RXFP2: variants seen among roughly 807,000 people sequenced by gnomAD.
RXFP2 encodes relaxin receptor 2.
A neutral mutation model predicts 88.6 loss-of-function variants in RXFP2; 68 were observed. That is an observed-to-expected ratio of 0.77 (90% confidence interval 0.63 to 0.94). The LOEUF is 0.94. RXFP2 is among the 40% of genes least tolerant of loss of function. The probability of loss-of-function intolerance (pLI) is 0.00; values close to 1 mark genes in which losing one functional copy is unlikely to be tolerated. For missense variants in RXFP2, 791 were observed against 893.9 expected, an observed-to-expected ratio of 0.88 and a Z score of 1.47; for synonymous variants, 329 against 306.8, an observed-to-expected ratio of 1.07 and a Z score of -0.76.
chr13:31,782,838 A>C (rs1333138890), intron 11 of RXFP2, 91 bp downstream of exon 11: 2 of 808,784 alleles, frequency 2.5e-6, no homozygotes, highest in Admixed American at 3.9e-5. Context: ...CACTAGTAGC[A>C]ATCAAAATCC....
At chr13:31,786,990 T>C (rs556062277) in intron 13 of RXFP2, among the ~76,000 whole-genome samples, 37 of 152,356 alleles carry the variant, frequency 2.4e-4, no homozygotes, top group Non-Finnish European at 4.7e-4. Flanking sequence ...CTTTTCCCCT[T>C]TGCCCTTTCC....
In RXFP2 at chr13:31,803,123, A is replaced by G. The variant is rs1874434234; in HGVS notation, c.*718A>G. ...TTGGACACTTTCACTGCTAAAAAGT[A>G]CACTTTAATATTCTTAAAGTATAAT... On this transcript the variant is annotated 3_prime_UTR_variant, in exon 18 of 18. Coordinates refer to ENST00000298386, the MANE Select transcript of RXFP2 (RefSeq NM_130806.5). 1 of 152,336 alleles carries G rather than the reference A, an allele frequency of 6.6e-6. No homozygotes were observed. The highest frequency in any genetic ancestry group is 2.4e-5 in the African/African-American group (1 of 41,472). 9.4% of individuals were successfully genotyped at this position (152,336 alleles called of 1,614,324 possible). A position where few individuals can be genotyped will look rare whatever the true frequency, so the allele number is the denominator to read the frequency against.
Position 31,786,569 on chromosome 13 carries a change from C to G in RXFP2, c.1005C>G (p.Asn335Lys), listed in dbSNP as rs1029385576. ...FKDLKLLQKL[N>K]LSSNPLMYLH... ...CATCTAATGGTAAAAAAAAAAGGAACCTGTCATCCAATCCTCTTATGTATC... is the reference window on the plus strand; with the variant it reads ...CATCTAATGGTAAAAAAAAAAGGAAGCTGTCATCCAATCCTCTTATGTATC... The change falls in exon 13 of 18, where the codon AAC becomes AAG. Residue 335 changes from asparagine to lysine, a missense_variant. Coordinates refer to ENST00000298386, the MANE Select transcript of RXFP2 (RefSeq NM_130806.5). The G allele has an allele frequency of 3.2e-6, 5 of 1,552,864 alleles. No individual in the cohort carries two copies. The highest frequency in any genetic ancestry group is 1.7e-4 in the Middle Eastern group (1 of 5,834).
At chr13:31,756,220 C>A (rs1871940484) in intron 1 of RXFP2, among the ~76,000 whole-genome samples, 1 of 152,210 alleles carries the variant, frequency 6.6e-6, no homozygotes, top group Admixed American at 6.5e-5. Flanking sequence ...GGCTTCTCTA[C>A]AAGGCAGCAT....
Position 31,770,224 on chromosome 13 carries a change from A to G in RXFP2, c.497+4197A>G, listed in dbSNP as rs1351256544. Among the ~76,000 whole-genome samples the G allele has an allele frequency of 2.0e-5, 3 of 152,150 alleles. No individual in the cohort carries two copies. The South Asian group carries it at 6.2e-4, about 32-fold the overall frequency. Reference sequence around the variant, plus strand: ...AAGCAGCATCATATTCACCTGTTCTATGATCTTCCCAAGACCAGCATTGAG... The same window carrying G: ...AAGCAGCATCATATTCACCTGTTCTGTGATCTTCCCAAGACCAGCATTGAG... On this transcript the variant is annotated intron_variant, in intron 5 of 17. Coordinates refer to ENST00000298386, the MANE Select transcript of RXFP2 (RefSeq NM_130806.5).
In RXFP2 at chr13:31,792,725, G is replaced by A. The variant is rs1243388453; in HGVS notation, c.1423G>A (p.Asp475Asn). The A allele has an allele frequency of 6.8e-6, 11 of 1,614,048 alleles. No individual in the cohort carries two copies. Among genetic ancestry groups the A allele is most frequent in the Middle Eastern group, 1.6e-4 (1 of 6,062 alleles). ...TTACTTGTTCTTTGTTGGCATTTTCGATATAAAATACCGAGGGCAGTATCA... is the reference window on the plus strand; with the variant it reads ...TTACTTGTTCTTTGTTGGCATTTTCAATATAAAATACCGAGGGCAGTATCA... Reference protein sequence around the residue: ...GVYLFFVGIFDIKYRGQYQKY... With the variant: ...GVYLFFVGIFNIKYRGQYQKY... The change falls in exon 16 of 18, where the codon GAT (aspartate) becomes AAT (asparagine). Residue 475 changes from aspartate (D) to asparagine (N), a missense_variant. By Grantham distance (23) the Asp-to-Asn change is conservative. Transcript: ENST00000298386.
Position 31,792,841 on chromosome 13 carries a change from G to A in RXFP2, c.1539G>A (p.Leu513=). The part of the protein sequence containing the change: ...MLSTEVSVLL[L]TYLTLEKFLV... ...CCACCGAAGTCTCTGTTCTGCTACTGACCTACTTGACTTTGGAGAAGTTCC... is the reference window on the plus strand; with the variant it reads ...CCACCGAAGTCTCTGTTCTGCTACTAACCTACTTGACTTTGGAGAAGTTCC... The change falls in exon 16 of 18, where the codon CTG becomes CTA. Residue 513 remains leucine, a synonymous_variant. Transcript: ENST00000298386. The A allele has an allele frequency of 6.2e-7, 1 of 1,614,158 alleles. No homozygotes were observed. Among genetic ancestry groups the A allele is most frequent in the Non-Finnish European group, 8.5e-7 (1 of 1,180,040 alleles).
At chr13:31,766,905 G>A (rs562882460) in intron 5 of RXFP2, among the ~76,000 whole-genome samples, 31 of 152,114 alleles carry the variant, frequency 2.0e-4, no homozygotes, top group Admixed American at 3.3e-4. Context: ...TGGGCCAGTT[G>A]CTCTGTGGCA....
At chr13:31,761,935 G>T in intron 3 of RXFP2, 134 bp downstream of exon 3, 1 of 658,304 alleles carries the variant, frequency 1.5e-6, no homozygotes, top group East Asian at 3.0e-5. Flanking sequence ...CTGGCTAACA[G>T]GTCTGCTGTC....
At chr13:31,757,815 C>T (rs1872029847) in intron 1 of RXFP2, among the ~76,000 whole-genome samples, 1 of 152,130 alleles carries the variant, frequency 6.6e-6, no homozygotes, top group African/African-American at 2.4e-5. Context: ...TATCATTGGC[C>T]AGGCGAGGTG....
At chr13:31,745,368 CA>C (rs2138382192) in intron 1 of RXFP2, among the ~76,000 whole-genome samples, 1 of 152,242 alleles carries the variant, frequency 6.6e-6, no homozygotes, top group East Asian at 1.9e-4. Flanking sequence ...GTGGGTGAAC[CA>C]GTTCCAAATC....
At chr13:31,770,166 T>A (rs1872685506) in intron 5 of RXFP2, among the ~76,000 whole-genome samples, 1 of 152,196 alleles carries the variant, frequency 6.6e-6, no homozygotes, top group East Asian at 1.9e-4. Flanking sequence ...TCTTGTGAGC[T>A]CTCCTGGTCA....
chr13:31,767,264 G>T (rs970284739), intron 5 of RXFP2, among the ~76,000 whole-genome samples: 2 of 152,134 alleles, frequency 1.3e-5, no homozygotes, highest in Non-Finnish European at 2.9e-5. Context: ...AATCATACCT[G>T]GGCTTGATTG....
intron 1 of RXFP2, among the ~76,000 whole-genome samples, chr13:31,756,304 C>A (rs748916621): frequency 6.6e-6 from 1 of 152,206 alleles, no homozygotes; most frequent in Non-Finnish European, 1.5e-5. Flanking sequence ...TGTTCTCAGT[C>A]GTTTCCTCAT....
chr13:31,778,602 A>C lies in RXFP2; in HGVS notation c.785+19A>C, dbSNP rs1276630089. The C allele has an allele frequency of 4.5e-6, 7 of 1,556,356 alleles. No individual in the cohort carries two copies. Among genetic ancestry groups the C allele is most frequent in the Non-Finnish European group, 6.2e-6 (7 of 1,127,890 alleles). ...ACTGGGTGTGAGTATTTATTTAGGA[A>C]TTAATTTGTTATTTGCCCTGATTAA... On this transcript the variant is annotated intron_variant, in intron 9 of 17. Coordinates refer to ENST00000298386, the MANE Select transcript of RXFP2 (RefSeq NM_130806.5).
At chr13:31,763,373 C>T (rs1027265472) in intron 3 of RXFP2, among the ~76,000 whole-genome samples, 17 of 152,104 alleles carry the variant, frequency 1.1e-4, no homozygotes, top group Non-Finnish European at 1.2e-4. Context: ...GTGTGAGCCA[C>T]GCATGCCCAG....
intron 16 of RXFP2, among the ~76,000 whole-genome samples, chr13:31,796,896 C>G (rs908435275): frequency 1.3e-5 from 2 of 152,196 alleles, no homozygotes; most frequent in Admixed American, 1.3e-4. Flanking sequence ...ACACCTGAAG[C>G]TTTTGCTGTC....
chr13:31,786,517 A>C, intron 12 of RXFP2, 49 bp from the exon 13 acceptor site: 2 of 1,535,210 alleles, frequency 1.3e-6, no homozygotes, highest in Non-Finnish European at 1.8e-6. Context: ...TCAAAATAAT[A>C]ATACCTTCAA....
At chr13:31,756,260 C>G (rs747473848) in intron 1 of RXFP2, among the ~76,000 whole-genome samples, 4 of 152,204 alleles carry the variant, frequency 2.6e-5, no homozygotes, top group Non-Finnish European at 5.9e-5. Flanking sequence ...CTCACAAGAG[C>G]ATTTTCCCAA....
Sources: allele counts gnomAD v4.1 joint callset (sites outside exome capture counted in the v4.1 genomes callset), GRCh38; gene constraint gnomAD v4.1.1; transcripts MANE v1.5; gene names NCBI Gene and HGNC (gene_info 2026-07-23, HGNC 2026-07-21).